Variants in UNC5B observed in about 807,000 individuals in gnomAD.
The protein encoded by UNC5B is netrin receptor UNC5B.
Under a neutral mutation model 103.7 loss-of-function variants are expected in UNC5B, and 56 were observed. The ratio of observed to expected loss-of-function variants is 0.54; its 90% CI spans 0.44 to 0.67. The LOEUF is 0.67. Among genes scored for constraint, UNC5B ranks in the 30% least tolerant of loss-of-function variants. The probability of loss-of-function intolerance (pLI) is 0.00; values close to 1 mark genes in which losing one functional copy is unlikely to be tolerated. For missense variants in UNC5B, 1,194 were observed against 1,284.5 expected (o/e 0.93, Z 1.08); for synonymous variants, 577 against 542.0 (o/e 1.06, Z -0.90).
chr10:71,242,123 G>C (rs964590929), intron 1 of UNC5B, among the ~76,000 whole-genome samples: 2 of 152,312 alleles, frequency 1.3e-5, no homozygotes, highest in Middle Eastern at 3.4e-3. Context: ...AGTGGGGAGA[G>C]GACATGGGGG....
At chr10:71,242,734 T>C (rs1413421720) in intron 1 of UNC5B, among the ~76,000 whole-genome samples, 1 of 152,094 alleles carries the variant, frequency 6.6e-6, no homozygotes, top group East Asian at 1.9e-4. Context: ...GATGATTGGG[T>C]CTGGGCTCTT....
chr10:71,285,789 G>C (rs1225653547), intron 4 of UNC5B, among the ~76,000 whole-genome samples: 1 of 152,120 alleles, frequency 6.6e-6, no homozygotes, highest in Non-Finnish European at 1.5e-5. Flanking sequence ...GCGTGTGTGT[G>C]AGTGTGTTCT....
In UNC5B at chr10:71,293,701, A is replaced by G. The variant is rs149681142; in HGVS notation, c.1943A>G (p.Glu648Gly). 6.5e-5 allele frequency: 103 copies of G among 1,592,898 alleles called. No homozygotes were observed. In the African/African-American group the frequency reaches 1.3e-3, roughly 20 times the overall value. The change falls in exon 13 of 17, where the codon GAG becomes GGG. Residue 648 changes from glutamate (E) to glycine (G), a missense_variant and splice_region_variant. Physicochemically the swap from Glu to Gly is moderately conservative, Grantham distance 98. Transcript: ENST00000335350. ...CCCCACCCTTGCTGTCCCCTACAGG[A>G]GGTGGTGACCCTGGATGAGGAGACC... is the stretch of plus-strand genomic sequence containing the variant. The part of the protein sequence containing the change: ...KTQAHQGHWE[E>G]VVTLDEETLN...
At chr10:71,269,867 A>G (rs1219382789) in intron 1 of UNC5B, among the ~76,000 whole-genome samples, 3 of 152,186 alleles carry the variant, frequency 2.0e-5, no homozygotes, top group Non-Finnish European at 2.9e-5. Flanking sequence ...GTGGTCAGGG[A>G]AGGCCTCACT....
At chr10:71,249,975 T>G (rs947535519) in intron 1 of UNC5B, among the ~76,000 whole-genome samples, 1 of 152,164 alleles carries the variant, frequency 6.6e-6, no homozygotes, top group Non-Finnish European at 1.5e-5. Context: ...ATGTTTAGGC[T>G]CAGGAGAACA....
At chr10:71,233,055 T>C (rs1843712782) in intron 1 of UNC5B, among the ~76,000 whole-genome samples, 1 of 152,228 alleles carries the variant, frequency 6.6e-6, no homozygotes, top group Admixed American at 6.5e-5. Context: ...GTCTGCAGTA[T>C]TTCTACTTCC....
At chr10:71,291,150 G>A (rs763546527) in intron 9 of UNC5B, 41 bp downstream of exon 9, 2 of 1,588,154 alleles carry the variant, frequency 1.3e-6, no homozygotes, top group Non-Finnish European at 1.7e-6. Context: ...GCAGAGGCAG[G>A]ATACCCAGAG....
At position 71,213,354 on chromosome 10, in the gene UNC5B, C is replaced by T. The variant is rs914710059; in HGVS notation, c.79+290C>T. Among the ~76,000 whole-genome samples, 4 of 152,104 alleles carry T rather than the reference C, an allele frequency of 2.6e-5. No individual in the cohort carries two copies. Among genetic ancestry groups the T allele is most frequent in the Admixed American group, 6.5e-5 (1 of 15,288 alleles). On this transcript the variant is annotated intron_variant, in intron 1 of 16. Coordinates refer to ENST00000335350, the MANE Select transcript of UNC5B (RefSeq NM_170744.5). This position sits in a 1 kb window ranked among gnomAD's most constrained non-coding sequence, Gnocchi z 4.1. The stretch of plus-strand genomic sequence containing the variant: ...GTGTAGGAGTCAGGGTCTGAGTCTC[C>T]GGGAGGATCCGCCTCCTGGGGACGC...
Position 71,283,515 on chromosome 10 carries a change from C to A in UNC5B, c.305-1205C>A, listed in dbSNP as rs187826788. 3.9e-5 allele frequency among the ~76,000 whole-genome samples: 6 copies of A among 152,280 alleles called. 1 individual carries two copies. In the East Asian group the frequency reaches 1.2e-3, roughly 29 times the overall value. ...ACCCTGTCCTTACCCACCATGCCAC[C>A]GGCTGTGCGTACCTTAACAATCCAT... is the stretch of plus-strand genomic sequence containing the variant. On this transcript the variant is annotated intron_variant, in intron 2 of 16. Coordinates refer to ENST00000335350, the MANE Select transcript of UNC5B (RefSeq NM_170744.5).
At chr10:71,246,691 G>A (rs1009545324) in intron 1 of UNC5B, among the ~76,000 whole-genome samples, 5 of 152,058 alleles carry the variant, frequency 3.3e-5, no homozygotes, top group South Asian at 2.1e-4. Context: ...TCACCCCAGC[G>A]CTCCACATCT....
intron 1 of UNC5B, among the ~76,000 whole-genome samples, chr10:71,257,556 C>T (rs1320351396): frequency 6.6e-6 from 1 of 152,190 alleles, no homozygotes; most frequent in African/African-American, 2.4e-5. Context: ...TGAGCTTCCT[C>T]CTGCATGCCA....
intron 1 of UNC5B, among the ~76,000 whole-genome samples, chr10:71,274,830 T>C (rs964914403): frequency 2.6e-5 from 4 of 152,198 alleles, no homozygotes; most frequent in South Asian, 2.1e-4. Context: ...AGGACCACCG[T>C]ATAGCAATGG....
Position 71,292,357 on chromosome 10 carries a change from C to T in UNC5B, c.1685-110C>T, listed in dbSNP as rs112652710. ...GTCTCCCACCCCTGGCTGGGGACTA[C>T]CTGGAGCTCAGGAGATATCTTTCTC... On this transcript the variant is annotated intron_variant, in intron 10 of 16. Coordinates refer to ENST00000335350, the MANE Select transcript of UNC5B (RefSeq NM_170744.5). 335 of 939,942 alleles carry T rather than the reference C, an allele frequency of 3.6e-4. No homozygotes were observed. The African/African-American group carries it at 4.5e-3, about 13-fold the overall frequency. The allele number at this position is 939,942 out of a possible 1,614,324, so 58.2% of individuals were successfully genotyped here.
intron 1 of UNC5B, among the ~76,000 whole-genome samples, chr10:71,261,498 C>A (rs190502322): frequency 6.8e-4 from 103 of 152,358 alleles, no homozygotes; most frequent in African/African-American, 2.4e-3. Context: ...GCCCTGACTT[C>A]CCCAAAGGAC....
In UNC5B at chr10:71,299,357, T is replaced by C; in HGVS notation, c.*80T>C. On this transcript the variant is annotated 3_prime_UTR_variant, in exon 17 of 17. Coordinates refer to ENST00000335350, the MANE Select transcript of UNC5B (RefSeq NM_170744.5). ...CTGGGGCAGCCTCCTGATGGGGATG[T>C]TTGGCCTCTGCTTCCTCCCAGTTCA... 2 of 1,555,800 alleles carry C rather than the reference T, an allele frequency of 1.3e-6. No individual in the cohort carries two copies. The highest frequency in any genetic ancestry group is 1.7e-6 in the Non-Finnish European group (2 of 1,149,040).
At chr10:71,268,102 C>A (rs1844561072) in intron 1 of UNC5B, among the ~76,000 whole-genome samples, 1 of 152,240 alleles carries the variant, frequency 6.6e-6, no homozygotes, top group Admixed American at 6.5e-5. Context: ...CCCCTGGGGA[C>A]TGAGCAGGAA....
At chr10:71,252,423 C>T (rs1217481489) in intron 1 of UNC5B, among the ~76,000 whole-genome samples, 3 of 152,240 alleles carry the variant, frequency 2.0e-5, no homozygotes, top group African/African-American at 7.2e-5. Context: ...CTGCCTGCTT[C>T]TGTGAGAGCG....
chr10:71,233,667 C>G (rs1420084025), intron 1 of UNC5B, among the ~76,000 whole-genome samples: 1 of 152,260 alleles, frequency 6.6e-6, no homozygotes, highest in Non-Finnish European at 1.5e-5. Flanking sequence ...AGGACCAACC[C>G]CTACAGATGG....
At chr10:71,283,600 C>G (rs2132301975) in intron 2 of UNC5B, among the ~76,000 whole-genome samples, 1 of 152,308 alleles carries the variant, frequency 6.6e-6, no homozygotes, top group Non-Finnish European at 1.5e-5. Context: ...TTTAGAAATT[C>G]TGAGACACAA....
Sources: gnomAD v4.1 joint callset for allele counts (sites outside exome capture counted in the v4.1 genomes callset) on GRCh38, gnomAD v4.1.1 for gene constraint, Gnocchi (gnomAD v3.1) non-coding constraint, MANE v1.5 for transcripts, NCBI Gene and HGNC (gene_info 2026-07-23, HGNC 2026-07-21) for gene names.